Variants in CSMD1 observed in about 807,000 individuals in gnomAD.
CSMD1 encodes the protein CUB and Sushi multiple domains 1, also known as CUB and sushi domain-containing protein 1.
A neutral mutation model predicts 417.5 loss-of-function variants in CSMD1; 213 were observed. The ratio of observed to expected loss-of-function variants is 0.51; its 90% CI spans 0.46 to 0.57. CSMD1 has a LOEUF of 0.57. CSMD1 is among the 20% of genes least tolerant of loss of function. The pLI is 0.00. For synonymous variants in CSMD1, 2,862 were observed against 1,736.8 expected (o/e 1.65, Z -16.11); for missense variants, 6,923 against 4,529.7 (o/e 1.53, Z -15.17).
chr8:3,813,378 G>C (rs977443336), intron 5 of CSMD1, among the ~76,000 whole-genome samples: 3 of 152,124 alleles, frequency 2.0e-5, no homozygotes, highest in African/African-American at 7.2e-5. Context: ...TAAATAAACA[G>C]TCTAGGAGAT....
intron 10 of CSMD1, among the ~76,000 whole-genome samples, chr8:3,564,475 T>G (rs6996400): frequency 6.6e-6 from 1 of 151,598 alleles, no homozygotes; most frequent in East Asian, 1.9e-4. Context: ...TGTACACTGA[T>G]AAGGGATTAG....
chr8:3,856,774 G>C (rs1243797347), intron 5 of CSMD1, among the ~76,000 whole-genome samples: 1 of 152,094 alleles, frequency 6.6e-6, no homozygotes, highest in Non-Finnish European at 1.5e-5. Flanking sequence ...GTCTCTGAAG[G>C]AGACTGAGCA....
rs1254293435 is a variant in CSMD1 at position 2,938,396 on chromosome 8, G to C, written c.*189C>G. The C allele has an allele frequency of 3.7e-6, 2 of 540,262 alleles. No individual in the cohort carries two copies. The highest frequency in any genetic ancestry group is 6.4e-6 in the Non-Finnish European group (2 of 314,006). The allele number at this position is 540,262 out of a possible 1,614,324, so 33.5% of individuals were successfully genotyped here. A position where few individuals can be genotyped will look rare whatever the true frequency, so the allele number is the denominator to read the frequency against. On this transcript the variant is annotated 3_prime_UTR_variant, in exon 70 of 70. Coordinates refer to ENST00000635120, the MANE Select transcript of CSMD1 (RefSeq NM_033225.6). ...CCACTTTTGGAATGAAAACGCATGT[G>C]TAGTTTGATCCGTAGAAGACCCTGA...
chr8:3,314,574 G>A (rs1037829258), intron 23 of CSMD1, among the ~76,000 whole-genome samples: 1 of 152,174 alleles, frequency 6.6e-6, no homozygotes, highest in Non-Finnish European at 1.5e-5. Context: ...AATGTATTTA[G>A]TAATTCTATT....
intron 5 of CSMD1, among the ~76,000 whole-genome samples, chr8:3,754,964 G>A (rs1395956381): frequency 8.9e-5 from 1 of 11,246 alleles, no homozygotes; most frequent in African/African-American, 2.5e-4. Context: ...TAAGAAAGCA[G>A]TGCATTCATT....
At chr8:3,424,175 T>G (rs1233163428) in intron 12 of CSMD1, among the ~76,000 whole-genome samples, 10 of 152,206 alleles carry the variant, frequency 6.6e-5, no homozygotes. Flanking sequence ...ATGATTCAAT[T>G]AGAGTTTATG....
chr8:3,509,256 G>C lies in CSMD1; in HGVS notation c.1345-15530C>G, dbSNP rs559443586. 3.3e-3 allele frequency among the ~76,000 whole-genome samples: 507 copies of C among 152,292 alleles called. 2 individuals carry two copies. The highest frequency in any genetic ancestry group is 6.0e-3 in the Non-Finnish European group (410 of 68,020). ...CCCCTTTACAAACACAGAGATGAAA[G>C]GAGATTAAAGCATGGACAATGACTA... On this transcript the variant is annotated intron_variant, in intron 10 of 69. Transcript: ENST00000635120.
chr8:3,622,870 C>T (rs1258972293), intron 7 of CSMD1, among the ~76,000 whole-genome samples: 1 of 152,188 alleles, frequency 6.6e-6, no homozygotes, highest in African/African-American at 2.4e-5. Context: ...GATGAAACCA[C>T]TTCAAGAGGA....
At chr8:3,749,498 T>C (rs749409034) in intron 6 of CSMD1, among the ~76,000 whole-genome samples, 4 of 152,176 alleles carry the variant, frequency 2.6e-5, no homozygotes, top group Admixed American at 2.6e-4. Context: ...ACTCCGAGAA[T>C]AAAGAATTTG....
At chr8:4,796,157 G>C (rs1167412277) in intron 1 of CSMD1, among the ~76,000 whole-genome samples, 1 of 151,828 alleles carries the variant, frequency 6.6e-6, no homozygotes, top group East Asian at 1.9e-4. Flanking sequence ...GCCTCATCAA[G>C]GTGGTTTCGA....
At chr8:2,954,296 T>C (rs1802844247) in intron 64 of CSMD1, 28 bp from the exon 65 acceptor site, 2 of 1,315,416 alleles carry the variant, frequency 1.5e-6, no homozygotes, top group South Asian at 2.7e-5. Flanking sequence ...AATTATCATT[T>C]TAAAAAAAAC....
At chr8:3,347,715 G>T (rs1808106231) in intron 22 of CSMD1, among the ~76,000 whole-genome samples, 1 of 152,148 alleles carries the variant, frequency 6.6e-6, no homozygotes, top group Non-Finnish European at 1.5e-5. Context: ...ACATAAGGAA[G>T]CTGAAGATCA....
At chr8:3,683,867 G>T (rs1053993772) in intron 7 of CSMD1, among the ~76,000 whole-genome samples, 5 of 152,024 alleles carry the variant, frequency 3.3e-5, no homozygotes, top group Middle Eastern at 3.4e-3. Context: ...TGTTAAGCTC[G>T]CAGTTTGCTT....
chr8:4,140,017 C>T (rs1039128288), intron 3 of CSMD1, among the ~76,000 whole-genome samples: 3 of 150,696 alleles, frequency 2.0e-5, no homozygotes, highest in Non-Finnish European at 4.4e-5. Flanking sequence ...TCTCCCTGAC[C>T]TCAATTTGCC....
intron 6 of CSMD1, among the ~76,000 whole-genome samples, chr8:3,713,305 A>T (rs1801633377): frequency 6.6e-6 from 1 of 152,200 alleles, no homozygotes. Context: ...TTGTTTGAAA[A>T]TGTGACGAAA....
Position 4,829,270 on chromosome 8 carries a change from T to C in CSMD1, c.85+165062A>G, listed in dbSNP as rs1423302506. 3.3e-5 allele frequency among the ~76,000 whole-genome samples: 5 copies of C among 152,320 alleles called. No homozygotes were observed. In the South Asian group the frequency reaches 8.3e-4, roughly 25 times the overall value. ...ATTTTAATATTTTTTCAGTTAGAGTTTGACAATATTTAGTCATAAGCTTTA... is the reference window on the plus strand; with the variant it reads ...ATTTTAATATTTTTTCAGTTAGAGTCTGACAATATTTAGTCATAAGCTTTA... On this transcript the variant is annotated intron_variant, in intron 1 of 69. Coordinates refer to ENST00000635120, the MANE Select transcript of CSMD1 (RefSeq NM_033225.6).
At chr8:3,827,175 C>T (rs752664905) in intron 5 of CSMD1, among the ~76,000 whole-genome samples, 4 of 152,164 alleles carry the variant, frequency 2.6e-5, no homozygotes, top group African/African-American at 9.6e-5. Flanking sequence ...TACTTATGTT[C>T]TTGAGGTATT....
At chr8:4,422,592 G>A (rs1797311874) in intron 2 of CSMD1, among the ~76,000 whole-genome samples, 1 of 151,980 alleles carries the variant, frequency 6.6e-6, no homozygotes, top group Non-Finnish European at 1.5e-5. Flanking sequence ...GACTATTCTG[G>A]ACCCTGATCT....
intron 1 of CSMD1, among the ~76,000 whole-genome samples, chr8:4,747,896 A>C (rs1394357709): frequency 6.6e-6 from 1 of 152,216 alleles, no homozygotes; most frequent in Non-Finnish European, 1.5e-5. Flanking sequence ...TTGTTGCTTT[A>C]AGCAAAGGAT....
Sources: gnomAD v4.1 joint callset for allele counts (sites outside exome capture counted in the v4.1 genomes callset) on GRCh38, gnomAD v4.1.1 for gene constraint, MANE v1.5 for transcripts, NCBI Gene and HGNC (gene_info 2026-07-23, HGNC 2026-07-21) for gene names.